ZNF519: variants seen among roughly 807,000 people sequenced by gnomAD.
ZNF519 encodes zinc finger protein 519.
A neutral mutation model predicts 7.4 loss-of-function variants in ZNF519; 7 were observed. The ratio of observed to expected loss-of-function variants is 0.94; its 90% CI spans 0.54 to 1.77. The LOEUF (loss-of-function observed/expected upper bound fraction) is 1.77, where lower values mean the gene tolerates loss of function less well. Among genes scored for constraint, ZNF519 ranks in the 40% most tolerant of loss-of-function variants. The pLI, the probability that ZNF519 is intolerant of heterozygous loss-of-function variation, is 0.00. For synonymous variants in ZNF519, 179 were observed against 203.3 expected (o/e 0.88, Z 1.02); for missense variants, 586 against 623.1 (o/e 0.94, Z 0.63).
chr18:14,082,532 A>G (rs906633616), intron 3 of ZNF519: 4 of 152,302 alleles, frequency 2.6e-5, no homozygotes, highest in African/African-American at 9.6e-5. Context: ...GGCAGACATG[A>G]TAAGAAAGAC....
chr18:14,094,345 G>A (rs985667667), intron 2 of ZNF519, among the ~76,000 whole-genome samples: 4 of 152,136 alleles, frequency 2.6e-5, no homozygotes, highest in African/African-American at 9.7e-5. Context: ...GGTAAACATC[G>A]GTATCCCTGC....
chr18:14,128,724 C>A (rs1184980548), intron 1 of ZNF519, among the ~76,000 whole-genome samples: 2 of 146,230 alleles, frequency 1.4e-5, no homozygotes, highest in Admixed American at 6.9e-5. Flanking sequence ...CACACACACA[C>A]AAAACCAAAT....
rs1427475252 is a variant in ZNF519 at position 14,103,032 on chromosome 18, T to G, written c.*1885A>C. 2 of 151,978 alleles carry G rather than the reference T, an allele frequency of 1.3e-5. No individual in the cohort carries two copies. The highest frequency in any genetic ancestry group is 2.4e-5 in the African/African-American group (1 of 41,394). 9.4% of individuals were successfully genotyped at this position (151,978 alleles called of 1,614,324 possible). A position where few individuals can be genotyped will look rare whatever the true frequency, so the allele number is the denominator to read the frequency against. Reference sequence around the variant, plus strand: ...GACATAAAAATAGAAAGCAAAATGATGCAAATTCAACTATACTGATAATAT... The same window carrying G: ...GACATAAAAATAGAAAGCAAAATGAGGCAAATTCAACTATACTGATAATAT... On this transcript the variant is annotated 3_prime_UTR_variant, in exon 3 of 3. Coordinates refer to ENST00000590202, the MANE Select transcript of ZNF519 (RefSeq NM_145287.4).
chr18:14,113,997 C>T (rs1439984693), intron 2 of ZNF519, among the ~76,000 whole-genome samples: 1 of 152,052 alleles, frequency 6.6e-6, no homozygotes, highest in Non-Finnish European at 1.5e-5. Flanking sequence ...TAAATTTTAT[C>T]CTATAGAGTT....
At chr18:14,132,172 A>T in intron 1 of ZNF519, 103 bp downstream of exon 1, 1 of 1,375,750 alleles carries the variant, frequency 7.3e-7, no homozygotes, top group Non-Finnish European at 1.0e-6. Context: ...CTGAGGGCTG[A>T]GCTGCAGACT....
At chr18:14,079,240 A>G (rs995160220) in intron 3 of ZNF519, among the ~76,000 whole-genome samples, 2 of 152,228 alleles carry the variant, frequency 1.3e-5, no homozygotes, top group Non-Finnish European at 2.9e-5. Flanking sequence ...TCCAATAAAT[A>G]TTCTTATCAG....
chr18:14,120,675 T>G (rs1057304739), intron 2 of ZNF519, among the ~76,000 whole-genome samples: 2 of 148,450 alleles, frequency 1.3e-5, no homozygotes, highest in Admixed American at 6.6e-5. Flanking sequence ...ACTTCTGCAA[T>G]TCAAAGCAAA....
intron 1 of ZNF519, among the ~76,000 whole-genome samples, chr18:14,130,041 A>C (rs1348144906): frequency 6.6e-6 from 1 of 152,080 alleles, no homozygotes; most frequent in Admixed American, 6.6e-5. Context: ...TGTTCTCCGA[A>C]ATCAGCTTAA....
At chr18:14,086,133 C>G (rs2046089527) in intron 2 of ZNF519, among the ~76,000 whole-genome samples, 1 of 152,202 alleles carries the variant, frequency 6.6e-6, no homozygotes, top group Non-Finnish European at 1.5e-5. Flanking sequence ...AGGAAAGAAA[C>G]TAAGCACAGG....
chr18:14,096,367 T>C (rs1039898393), downstream of ZNF519, among the ~76,000 whole-genome samples: 9 of 152,324 alleles, frequency 5.9e-5, no homozygotes, highest in Non-Finnish European at 1.0e-4. Context: ...TATTTGTAGA[T>C]AGTTGTTCAA....
intron 2 of ZNF519, among the ~76,000 whole-genome samples, chr18:14,110,524 C>T (rs2046214719): frequency 6.6e-6 from 1 of 151,790 alleles, no homozygotes; most frequent in Admixed American, 6.6e-5. Context: ...AAAAAGTAGG[C>T]AGAGAAAATG....
At chr18:14,122,770 C>A (rs955579081) in intron 2 of ZNF519, among the ~76,000 whole-genome samples, 4 of 151,868 alleles carry the variant, frequency 2.6e-5, no homozygotes, top group Non-Finnish European at 5.9e-5. Flanking sequence ...TGAAAATTCA[C>A]ATTTCCAAGT....
At chr18:14,108,218 G>C (rs2046203794) in intron 2 of ZNF519, among the ~76,000 whole-genome samples, 1 of 152,172 alleles carries the variant, frequency 6.6e-6, no homozygotes, top group African/African-American at 2.4e-5. Context: ...GCAGGGATGG[G>C]TCCTTGGTGA....
chr18:14,104,625 A>G lies in ZNF519; in HGVS notation c.*292T>C, dbSNP rs1303652121. 1 of 274,052 alleles carries G rather than the reference A, an allele frequency of 3.6e-6. No individual in the cohort carries two copies. The highest frequency in any genetic ancestry group is 2.2e-5 in the African/African-American group (1 of 45,622). The allele number at this position is 274,052 out of a possible 1,614,324, so 17.0% of individuals were successfully genotyped here. On this transcript the variant is annotated 3_prime_UTR_variant, in exon 3 of 3. Coordinates refer to ENST00000590202, the MANE Select transcript of ZNF519 (RefSeq NM_145287.4). ...TTACAAAAATAAGTGAACATTGAAT[A>G]TAATTATGCCTCTCCATCAATGTCG...
rs992750895 is a variant in ZNF519 at position 14,102,641 on chromosome 18, A to T, written c.*2276T>A. 2 of 152,212 alleles carry T rather than the reference A, an allele frequency of 1.3e-5. No individual in the cohort carries two copies. The highest frequency in any genetic ancestry group is 1.9e-4 in the East Asian group (1 of 5,204). The allele number at this position is 152,212 out of a possible 1,614,324, so 9.4% of individuals were successfully genotyped here. A position where few individuals can be genotyped will look rare whatever the true frequency, so the allele number is the denominator to read the frequency against. On this transcript the variant is annotated 3_prime_UTR_variant, in exon 3 of 3. Transcript: ENST00000590202. Reference sequence around the variant, plus strand: ...GAAATGGTAAGGATACAAAATGTAGAGTACTTTTTAAAATAATAATAATTT... The same window carrying T: ...GAAATGGTAAGGATACAAAATGTAGTGTACTTTTTAAAATAATAATAATTT...
intron 2 of ZNF519, chr18:14,122,741 C>T (rs562119991): frequency 1.3e-5 from 2 of 152,046 alleles, no homozygotes; most frequent in African/African-American, 4.8e-5. Context: ...GATTCCCAAA[C>T]TACATTTTTT....
At chr18:14,080,711 C>T (rs1328176297) in intron 3 of ZNF519, among the ~76,000 whole-genome samples, 1 of 152,164 alleles carries the variant, frequency 6.6e-6, no homozygotes, top group Non-Finnish European at 1.5e-5. Context: ...AAACTTAGGT[C>T]CACACAAATC....
At chr18:14,083,247 G>A (rs1341326216) in intron 3 of ZNF519, among the ~76,000 whole-genome samples, 1 of 152,148 alleles carries the variant, frequency 6.6e-6, no homozygotes, top group Admixed American at 6.5e-5. Flanking sequence ...GTACCAGGGA[G>A]GCTGAGGCAC....
downstream of ZNF519, chr18:14,074,895 T>C (rs376024796): frequency 6.6e-6 from 1 of 152,194 alleles, no homozygotes; most frequent in African/African-American, 2.4e-5. Context: ...TTTGCTGTAT[T>C]AGTCCATTTT....
Sources: allele counts gnomAD v4.1 joint callset (sites outside exome capture counted in the v4.1 genomes callset), GRCh38; gene constraint gnomAD v4.1.1; transcripts MANE v1.5; gene names NCBI Gene and HGNC (gene_info 2026-07-23, HGNC 2026-07-21).